Variants in PTPRT observed in about 807,000 individuals in gnomAD.
PTPRT encodes protein tyrosine phosphatase receptor type T.
PTPRT carries 56 observed loss-of-function variants against 176.8 expected under a neutral mutation model. That is an observed-to-expected ratio of 0.32 (90% CI 0.26 to 0.40). PTPRT has a LOEUF of 0.40. Ranked by LOEUF, PTPRT falls within the 10% of genes least tolerant of loss-of-function variation. The pLI is 1.00. For missense variants in PTPRT, 1,540 were observed against 1,908.2 expected (o/e 0.81, Z 3.60); for synonymous variants, 783 against 739.0 (o/e 1.06, Z -0.96).
intron 1 of PTPRT, among the ~76,000 whole-genome samples, chr20:43,131,097 T>G (rs1400016142): frequency 1.3e-5 from 2 of 152,230 alleles, no homozygotes; most frequent in Non-Finnish European, 2.9e-5. Context: ...TTCTGTCCTA[T>G]TGCTGATTTA....
At chr20:42,560,960 G>A (rs1367580578) in intron 7 of PTPRT, among the ~76,000 whole-genome samples, 1 of 152,092 alleles carries the variant, frequency 6.6e-6, no homozygotes, top group Non-Finnish European at 1.5e-5. Flanking sequence ...TTTTTATAAT[G>A]ACTCTTCCTG....
chr20:42,610,187 G>A (rs546856946), intron 7 of PTPRT, among the ~76,000 whole-genome samples: 7 of 152,036 alleles, frequency 4.6e-5, no homozygotes, highest in African/African-American at 1.4e-4. Flanking sequence ...TAGAAATGGG[G>A]GGAAAAAAAC....
chr20:42,597,572 T>C (rs1359239225), intron 7 of PTPRT, among the ~76,000 whole-genome samples: 3 of 152,174 alleles, frequency 2.0e-5, no homozygotes, highest in Admixed American at 6.5e-5. Context: ...TTTAGAAGTG[T>C]CTAGCACCTC....
chr20:42,406,650 C>A (rs977662516), intron 9 of PTPRT, among the ~76,000 whole-genome samples: 1 of 151,776 alleles, frequency 6.6e-6, no homozygotes, highest in Non-Finnish European at 1.5e-5. Flanking sequence ...TTTTATATAT[C>A]CAACATAATT....
At chr20:42,709,039 T>C (rs1000283402) in intron 6 of PTPRT, among the ~76,000 whole-genome samples, 1 of 152,172 alleles carries the variant, frequency 6.6e-6, no homozygotes, top group Non-Finnish European at 1.5e-5. Flanking sequence ...GAACTGAAAA[T>C]CCAAATACTA....
intron 6 of PTPRT, among the ~76,000 whole-genome samples, chr20:42,733,338 C>T (rs775350014): frequency 2.6e-5 from 4 of 152,170 alleles, no homozygotes; most frequent in Non-Finnish European, 4.4e-5. Flanking sequence ...TTTATACAAG[C>T]AAACAGATCA....
intron 13 of PTPRT, among the ~76,000 whole-genome samples, chr20:42,250,969 C>G (rs958119928): frequency 1.3e-4 from 20 of 152,186 alleles, no homozygotes; most frequent in African/African-American, 4.6e-4. Flanking sequence ...ATCTCTTCAG[C>G]AGGGCTGGTC....
At chr20:42,107,589 C>T (rs1986582756) in intron 23 of PTPRT, among the ~76,000 whole-genome samples, 1 of 152,214 alleles carries the variant, frequency 6.6e-6, no homozygotes, top group Non-Finnish European at 1.5e-5. Context: ...GGGCCTTGGC[C>T]AGCCCTTTCT....
At chr20:42,360,189 G>T (rs978720725) in intron 9 of PTPRT, among the ~76,000 whole-genome samples, 3 of 152,154 alleles carry the variant, frequency 2.0e-5, no homozygotes, top group Admixed American at 2.0e-4. Context: ...TCTTCCCTGT[G>T]TCACCATCCT....
intron 2 of PTPRT, among the ~76,000 whole-genome samples, chr20:42,858,636 G>A (rs148700935): frequency 3.3e-5 from 5 of 152,178 alleles, no homozygotes; most frequent in East Asian, 1.9e-4. Flanking sequence ...GAGATCTCAC[G>A]AGATATGGAA....
At chr20:42,882,943 G>A (rs1335704064) in intron 2 of PTPRT, among the ~76,000 whole-genome samples, 2 of 152,232 alleles carry the variant, frequency 1.3e-5, no homozygotes, top group Admixed American at 6.5e-5. Flanking sequence ...GTGAGTTCCC[G>A]AGGCAGGAGA....
intron 11 of PTPRT, among the ~76,000 whole-genome samples, chr20:42,334,343 C>T (rs2058010529): frequency 6.6e-6 from 1 of 152,084 alleles, no homozygotes; most frequent in Non-Finnish European, 1.5e-5. Flanking sequence ...CCAGATATCT[C>T]TTAAGGGACA....
chr20:42,865,639 G>A (rs879349726), intron 2 of PTPRT, among the ~76,000 whole-genome samples: 6 of 152,124 alleles, frequency 3.9e-5, no homozygotes, highest in Non-Finnish European at 8.8e-5. Context: ...AAGAACAATG[G>A]GATTCTGAGA....
At chr20:42,718,105 T>C (rs1432675631) in intron 6 of PTPRT, among the ~76,000 whole-genome samples, 1 of 152,188 alleles carries the variant, frequency 6.6e-6, no homozygotes, top group Non-Finnish European at 1.5e-5. Context: ...AGAAATGGAG[T>C]CCAATACTAC....
At chr20:42,070,928 C>G (rs1982299704), downstream of PTPRT, among the ~76,000 whole-genome samples, 1 of 151,926 alleles carries the variant, frequency 6.6e-6, no homozygotes, top group Non-Finnish European at 1.5e-5. Flanking sequence ...AATTTTCTTT[C>G]TCCAGTGTCG....
At chr20:43,095,615 C>T (rs1225543830) in intron 1 of PTPRT, among the ~76,000 whole-genome samples, 1 of 151,504 alleles carries the variant, frequency 6.6e-6, no homozygotes, top group African/African-American at 2.4e-5. Flanking sequence ...TCTCATCTCT[C>T]TCTCCCCCAC....
chr20:42,780,296 T>C lies in PTPRT; in HGVS notation c.490A>G (p.Ile164Val), dbSNP rs747222234. The change falls in exon 4 of 31, where the codon ATA becomes GTA. Residue 164 changes from isoleucine to valine, a missense_variant. By Grantham distance (29) the Ile-to-Val change is conservative. Coordinates refer to ENST00000373187, the MANE Select transcript of PTPRT (RefSeq NM_007050.6). ...CCCTTCAATGAGACGGATTCAAATATCACCTGCAACACACAGGGCGGGAGT... is the reference window on the plus strand; with the variant it reads ...CCCTTCAATGAGACGGATTCAAATACCACCTGCAACACACAGGGCGGGAGT... ...STFWPHFYQV[I>V]FESVSLKGHP... 7.4e-6 allele frequency: 12 copies of C among 1,613,604 alleles called. No individual in the cohort carries two copies. The South Asian group carries it at 1.2e-4, about 16-fold the overall frequency.
At chr20:42,865,352 A>G (rs1257372706) in intron 2 of PTPRT, among the ~76,000 whole-genome samples, 1 of 152,192 alleles carries the variant, frequency 6.6e-6, no homozygotes, top group Non-Finnish European at 1.5e-5. Context: ...CTGAACCACA[A>G]GTGTATGTTT....
chr20:42,448,485 ACT>A (rs1250243595), intron 8 of PTPRT, among the ~76,000 whole-genome samples, 156 bp from the exon 9 acceptor site: 1 of 152,086 alleles, frequency 6.6e-6, no homozygotes, highest in Non-Finnish European at 1.5e-5. Context: ...CAACTACTCA[ACT>A]CTGTCATTTT....
Sources: gnomAD v4.1 joint callset for allele counts (sites outside exome capture counted in the v4.1 genomes callset) on GRCh38, gnomAD v4.1.1 for gene constraint, MANE v1.5 for transcripts, NCBI Gene and HGNC (gene_info 2026-07-23, HGNC 2026-07-21) for gene names.